The following SPATA13 variants were observed in gnomAD, a reference collection of about 807,000 sequenced individuals.
SPATA13 encodes the protein spermatogenesis-associated protein 13.
Under a neutral mutation model 104.0 loss-of-function variants are expected in SPATA13, and 50 were observed. That is an observed-to-expected ratio of 0.48 (90% confidence interval 0.38 to 0.61). The LOEUF (loss-of-function observed/expected upper bound fraction) is 0.61. SPATA13 is among the 20% of genes least tolerant of loss of function. The probability of loss-of-function intolerance (pLI) is 0.00; values close to 1 mark genes in which losing one functional copy is unlikely to be tolerated. For synonymous variants in SPATA13, 606 were observed against 667.5 expected, an observed-to-expected ratio of 0.91 and a Z score of 1.42; for missense variants, 1,524 against 1,690.6, an observed-to-expected ratio of 0.90 and a Z score of 1.73.
At chr13:24,077,266 A>G (rs1445864641) in intron 3 of SPATA13, among the ~76,000 whole-genome samples, 2 of 145,700 alleles carry the variant, frequency 1.4e-5, no homozygotes, top group Non-Finnish European at 3.0e-5. Flanking sequence ...CCATGTCAAA[A>G]AAAAAAAAAA....
chr13:24,034,132 T>C (rs1877593054), intron 3 of SPATA13: 1 of 152,194 alleles, frequency 6.6e-6, no homozygotes, highest in South Asian at 2.1e-4. Context: ...ATTTAGCAGC[T>C]GTTTAAAAGA....
intron 2 of SPATA13, among the ~76,000 whole-genome samples, chr13:23,999,327 T>C (rs1875838664): frequency 7.2e-6 from 1 of 139,606 alleles, no homozygotes; most frequent in South Asian, 2.2e-4. Flanking sequence ...CTAGGCACTT[T>C]GCATTTCCAT....
chr13:24,175,916 T>C (rs1353859042), intron 1 of SPATA13, among the ~76,000 whole-genome samples: 1 of 152,224 alleles, frequency 6.6e-6, no homozygotes, highest in Non-Finnish European at 1.5e-5. Flanking sequence ...TTGCAAATAA[T>C]GCAGCTTAAA....
At chr13:24,255,559 A>G (rs1349408641) in intron 4 of SPATA13, among the ~76,000 whole-genome samples, 1 of 152,098 alleles carries the variant, frequency 6.6e-6, no homozygotes, top group Admixed American at 6.6e-5. Flanking sequence ...CCTTTTTCCC[A>G]TGACAGATGT....
chr13:24,185,788 T>C (rs1869111585), intron 1 of SPATA13, among the ~76,000 whole-genome samples: 2 of 146,940 alleles, frequency 1.4e-5, no homozygotes, highest in Non-Finnish European at 3.0e-5. Context: ...AAAGAATGTG[T>C]GTGTGTGCGC....
intron 1 of SPATA13, among the ~76,000 whole-genome samples, chr13:24,171,331 A>C (rs1159537069): frequency 6.6e-6 from 1 of 152,170 alleles, no homozygotes; most frequent in Middle Eastern, 3.2e-3. Flanking sequence ...GTCTCAGAAC[A>C]TGCGGGTCAG....
At position 24,303,433 on chromosome 13, in the gene SPATA13, A is replaced by T. The variant is rs952544092; in HGVS notation, c.*660A>T. ...GAAAGAAGATGCATCTGTCACCTTC[A>T]TCAGGGTCCTCAGTGCAGAGCAACT... On this transcript the variant is annotated 3_prime_UTR_variant, in exon 13 of 13. Transcript: ENST00000382108. 4.9e-6 allele frequency: 1 copy of T among 203,736 alleles called. No homozygotes were observed. The highest frequency in any genetic ancestry group is 1.1e-5 in the Non-Finnish European group (1 of 95,220). 12.6% of individuals were successfully genotyped at this position (203,736 alleles called of 1,614,324 possible). A position where few individuals can be genotyped will look rare whatever the true frequency, so the allele number is the denominator to read the frequency against.
Position 24,223,903 on chromosome 13 carries a change from G to A in SPATA13, c.974G>A (p.Ser325Asn), listed in dbSNP as rs1165106800. 8 of 1,551,642 alleles carry A rather than the reference G, an allele frequency of 5.2e-6. No homozygotes were observed. In the Admixed American group the frequency reaches 1.6e-4, roughly 30 times the overall value. Residue 325 changes from serine to asparagine, a missense_variant, in exon 2 of 13, where the codon AGC becomes AAC. Ser to Asn is a conservative substitution (Grantham distance 46, BLOSUM62 1). Around this residue, in one of 2 missense-constraint regions of SPATA13, gnomAD observed 1,089 missense variants for 1,135.9 expected, o/e 0.96. Coordinates refer to ENST00000382108, the MANE Select transcript of SPATA13 (RefSeq NM_001166271.3). ...KDFDRVFKLV[S>N]NVTEAAWRRE... ...TTTGACAGAGTCTTCAAACTTGTGAGCAATGTGACTGAGGCTGCCTGGAGG... is the reference window on the plus strand; with the variant it reads ...TTTGACAGAGTCTTCAAACTTGTGAACAATGTGACTGAGGCTGCCTGGAGG...
At chr13:24,168,696 A>G (rs772789804) in intron 1 of SPATA13, among the ~76,000 whole-genome samples, 32 of 152,192 alleles carry the variant, frequency 2.1e-4, no homozygotes, top group Admixed American at 3.3e-4. Context: ...CGTTGCTTAA[A>G]TGTTCCATGG....
chr13:24,260,188 T>G (rs1873990099), intron 4 of SPATA13, among the ~76,000 whole-genome samples: 1 of 152,146 alleles, frequency 6.6e-6, no homozygotes, highest in African/African-American at 2.4e-5. Flanking sequence ...CAAGCCCTCA[T>G]GGAGGAAATG....
intron 1 of SPATA13, among the ~76,000 whole-genome samples, chr13:24,212,211 A>C (rs1160608177): frequency 1.3e-5 from 2 of 151,122 alleles, no homozygotes; most frequent in African/African-American, 2.4e-5. Flanking sequence ...CCAGGAGTTC[A>C]GGGCTGTGGG....
chr13:24,251,893 C>T, intron 4 of SPATA13, 31 bp downstream of exon 4: 1 of 1,600,602 alleles, frequency 6.2e-7, no homozygotes, highest in East Asian at 2.2e-5. Context: ...CCTTTCAGAG[C>T]TGCTATGGGC....
At chr13:24,016,551 C>T (rs779928643) in intron 2 of SPATA13, among the ~76,000 whole-genome samples, 34 of 152,168 alleles carry the variant, frequency 2.2e-4, no homozygotes, top group Admixed American at 7.2e-4. Context: ...CAAGCAGGGC[C>T]GCTGGGTTCA....
intron 3 of SPATA13, among the ~76,000 whole-genome samples, chr13:24,149,752 C>T (rs1001871499): frequency 7.9e-5 from 12 of 152,158 alleles, no homozygotes; most frequent in East Asian, 7.7e-4. Flanking sequence ...AAAGGCCCTG[C>T]GGGGCGGATA....
chr13:24,143,639 T>G (rs1881835320), intron 3 of SPATA13, among the ~76,000 whole-genome samples: 2 of 152,094 alleles, frequency 1.3e-5, no homozygotes, highest in Non-Finnish European at 2.9e-5. Flanking sequence ...GAGAGATGAG[T>G]GACCTGAGCT....
intron 3 of SPATA13, among the ~76,000 whole-genome samples, chr13:24,052,377 A>AAACAACAAC (rs142122852): frequency 6.6e-6 from 1 of 151,758 alleles, no homozygotes; most frequent in Non-Finnish European, 1.5e-5. Context: ...CCATCGCTAC[A>AAACAACAAC]AACAAGAACA....
At chr13:24,192,242 C>T (rs1173925835) in intron 1 of SPATA13, among the ~76,000 whole-genome samples, 1 of 152,198 alleles carries the variant, frequency 6.6e-6, no homozygotes, top group African/African-American at 2.4e-5. Flanking sequence ...CCTCCCCCCA[C>T]ACCTTATCTG....
intron 3 of SPATA13, among the ~76,000 whole-genome samples, chr13:24,143,415 G>C (rs989854968): frequency 6.6e-6 from 1 of 152,202 alleles, no homozygotes; most frequent in Non-Finnish European, 1.5e-5. Context: ...CATTAGAATA[G>C]AGGTTTTGTG....
intron 1 of SPATA13, among the ~76,000 whole-genome samples, chr13:24,220,200 A>G (rs1273384422): frequency 6.6e-6 from 1 of 152,170 alleles, no homozygotes; most frequent in Non-Finnish European, 1.5e-5. Flanking sequence ...AATACAGATC[A>G]CTGAAATGAC....
Sources: gnomAD v4.1 joint callset for allele counts (sites outside exome capture counted in the v4.1 genomes callset) on GRCh38, gnomAD v4.1.1 for gene constraint, gnomAD v4.1.1 regional missense constraint, MANE v1.5 for transcripts, NCBI Gene and HGNC (gene_info 2026-07-23, HGNC 2026-07-21) for gene names.